MIA3: variants seen among roughly 807,000 people sequenced by gnomAD.
MIA3 encodes the protein transport and Golgi organization protein 1 homolog.
Under a neutral mutation model 192.4 loss-of-function variants are expected in MIA3, and 90 were observed. The observed-to-expected ratio is 0.47, with a 90% CI of 0.39 to 0.56. The LOEUF (loss-of-function observed/expected upper bound fraction) is 0.56. MIA3 is among the 20% of genes least tolerant of loss of function. The probability of loss-of-function intolerance (pLI) is 0.00; values close to 1 mark genes in which losing one functional copy is unlikely to be tolerated. For synonymous variants in MIA3, 740 were observed against 792.8 expected (o/e 0.93, Z 1.12); for missense variants, 2,123 against 2,269.4 (o/e 0.94, Z 1.31).
intron 2 of MIA3, among the ~76,000 whole-genome samples, chr1:222,624,551 T>G (rs561293915): frequency 6.6e-6 from 1 of 152,174 alleles, no homozygotes; most frequent in African/African-American, 2.4e-5. Context: ...TTGTGTTTAG[T>G]GCAATACTGT....
chr1:222,650,231 A>G lies in MIA3; in HGVS notation c.3632-61A>G, dbSNP rs780070963. ...GATAACATGTCTTTGCTGCTGATAC[A>G]TTGGGTAATTCAATTTCATTTAGTG... On this transcript the variant is annotated intron_variant, in intron 8 of 27. Coordinates refer to ENST00000344922, the MANE Select transcript of MIA3 (RefSeq NM_198551.4). 3.3e-6 allele frequency: 3 copies of G among 909,690 alleles called. No individual in the cohort carries two copies. In the East Asian group the frequency reaches 7.8e-5, roughly 24 times the overall value. 56.4% of individuals were successfully genotyped at this position (909,690 alleles called of 1,614,324 possible). A position where few individuals can be genotyped will look rare whatever the true frequency, so the allele number is the denominator to read the frequency against.
chr1:222,618,179 G>T lies in MIA3; in HGVS notation c.69G>T (p.Gln23His). 1.3e-6 allele frequency: 2 copies of T among 1,503,490 alleles called. No homozygotes were observed. Among genetic ancestry groups the T allele is most frequent in the Non-Finnish European group, 8.9e-7 (1 of 1,125,206 alleles). The allele number at this position is 1,503,490 out of a possible 1,614,324, so 93.1% of individuals were successfully genotyped here. A position where few individuals can be genotyped will look rare whatever the true frequency, so the allele number is the denominator to read the frequency against. ...GGCTGCCCTGGCGGGTGCCGGGCCA[G>T]CTGGACCCCAGCACTGGCCGGCGGT... ...VLRLPWRVPG[Q>H]LDPSTGRRFS... Residue 23 changes from glutamine (Q) to histidine (H), a missense_variant, in exon 1 of 28, where the codon CAG (glutamine) becomes CAT (histidine). This residue lies in a region of MIA3 where 1,357 missense variants were observed against 1,396.1 expected (regional missense o/e 0.97). Transcript: ENST00000344922.
rs1449769101 is a variant in MIA3 at position 222,653,315 on chromosome 1, G to A, written c.4297G>A (p.Glu1433Lys). 1 of 1,613,486 alleles carries A rather than the reference G, an allele frequency of 6.2e-7. No individual in the cohort carries two copies. Among genetic ancestry groups the A allele is most frequent in the Non-Finnish European group, 8.5e-7 (1 of 1,179,560 alleles). Residue 1433 changes from glutamate (E) to lysine (K), a missense_variant, in exon 15 of 28, where the codon GAA becomes AAA. Glu to Lys is a moderately conservative substitution (Grantham distance 56). Around this residue, in one of 3 missense-constraint regions of MIA3, gnomAD observed 762 missense variants for 856.4 expected, o/e 0.89. Transcript: ENST00000344922. ...AAATAAAGGTGGAAATGATTCAGAT[G>A]AATTAGCAAATGGAGAAGTGGGAGG... ...GQNKGGNDSD[E>K]LANGEVGGDR...
chr1:222,621,198 G>T lies in MIA3; in HGVS notation c.173G>T (p.Gly58Val). Residue 58 changes from glycine to valine, a missense_variant, in exon 2 of 28, where the codon GGC becomes GTC. Transcript: ENST00000344922. ...YRGEALEDFT[G>V]PDCRFVNFKK... is the part of the protein sequence containing the mutation. ...GGTGAGGCTCTTGAAGATTTCACAG[G>T]CCCGGATTGTCGTTTTGTGAATTTT... 6.2e-7 allele frequency: 1 copy of T among 1,613,538 alleles called. No homozygotes were observed. The highest frequency in any genetic ancestry group is 8.5e-7 in the Non-Finnish European group (1 of 1,179,708).
At chr1:222,644,674 G>A in intron 6 of MIA3, 8 of 1,399,840 alleles carry the variant, frequency 5.7e-6, no homozygotes, top group Non-Finnish European at 7.9e-6. Context: ...GATTGTCTGT[G>A]CAAAGGAGAA....
intron 19 of MIA3, 85 bp downstream of exon 19, chr1:222,658,908 G>A: frequency 2.4e-6 from 2 of 845,536 alleles, no homozygotes; most frequent in South Asian, 1.6e-5. Context: ...TAAATAAGTG[G>A]TTAGAGGACA....
chr1:222,618,837 C>A (rs1284730473), intron 1 of MIA3, among the ~76,000 whole-genome samples: 1 of 152,148 alleles, frequency 6.6e-6, no homozygotes, highest in African/African-American at 2.4e-5. Context: ...GGGCTTGTAC[C>A]GCCTTTTGAA....
intron 2 of MIA3, among the ~76,000 whole-genome samples, chr1:222,624,304 G>A (rs1231148508): frequency 6.6e-6 from 1 of 152,168 alleles, no homozygotes; most frequent in Non-Finnish European, 1.5e-5. Context: ...GCAGTCGAGA[G>A]AAATATAAAC....
At chr1:222,640,050 G>GCA (rs1180614006) in intron 6 of MIA3, among the ~76,000 whole-genome samples, 2 of 152,098 alleles carry the variant, frequency 1.3e-5, no homozygotes, top group Admixed American at 6.5e-5. Flanking sequence ...ATATATCGTA[G>GCA]CAATGAACAA....
Position 222,629,922 on chromosome 1 carries a change from A to G in MIA3, c.2702A>G (p.Asp901Gly), listed in dbSNP as rs556831642. 14 of 1,614,142 alleles carry G rather than the reference A, an allele frequency of 8.7e-6. No individual in the cohort carries two copies. In the East Asian group the frequency reaches 2.0e-4, roughly 23 times the overall value. Residue 901 changes from aspartate to glycine, a missense_variant, in exon 4 of 28, where the codon GAT becomes GGT. Physicochemically the swap from Asp to Gly is moderately conservative, Grantham distance 94 (BLOSUM62 -1). Transcript: ENST00000344922. ...SQGSAAAEPE[D>G]DSFHWTPHTS... ...GGGTCTGCTGCTGCAGAACCTGAAG[A>G]TGACTCGTTCCACTGGACTCCACAT...
intron 1 of MIA3, 46 bp from the exon 2 acceptor site, chr1:222,621,113 T>C (rs2133186): frequency 2.9e-5 from 45 of 1,531,046 alleles, no homozygotes; most frequent in Non-Finnish European, 3.9e-5. Flanking sequence ...CTGTGAACAC[T>C]GAATCCTGAT....
Position 222,659,646 on chromosome 1 carries a change from C to T in MIA3, c.4795C>T (p.His1599Tyr). ...GATCGCTACCCATGAGAAGAAAGCTCATGAAAACTGGGTAAGATTTCTTTT... is the reference window on the plus strand; with the variant it reads ...GATCGCTACCCATGAGAAGAAAGCTTATGAAAACTGGGTAAGATTTCTTTT... ...NQIATHEKKA[H>Y]ENWLKARAAE... is the part of the protein sequence containing the mutation. Residue 1599 changes from histidine (H) to tyrosine (Y), a missense_variant, in exon 21 of 28, where the codon CAT becomes TAT. Around this residue, in one of 3 missense-constraint regions of MIA3, gnomAD observed 762 missense variants for 856.4 expected, o/e 0.89. Transcript: ENST00000344922. The T allele has an allele frequency of 1.9e-6, 3 of 1,613,974 alleles. No homozygotes were observed. The highest frequency in any genetic ancestry group is 2.5e-6 in the Non-Finnish European group (3 of 1,179,918).
At chr1:222,630,788 G>C (rs1207422852) in intron 4 of MIA3, among the ~76,000 whole-genome samples, 1 of 152,170 alleles carries the variant, frequency 6.6e-6, no homozygotes, top group African/African-American at 2.4e-5. Context: ...TCAATGCCTT[G>C]GCTAAATTCC....
chr1:222,628,827 C>T lies in MIA3; in HGVS notation c.1607C>T (p.Ser536Leu), dbSNP rs139128855. The T allele has an allele frequency of 1.6e-4, 264 of 1,614,106 alleles. 1 individual carries two copies. In the African/African-American group the frequency reaches 2.8e-3, roughly 17 times the overall value. The change falls in exon 4 of 28, where the codon TCA becomes TTA. Residue 536 changes from serine (S) to leucine (L), a missense_variant. By Grantham distance (145) the Ser-to-Leu change is moderately radical. Around this residue, in one of 3 missense-constraint regions of MIA3, gnomAD observed 1,357 missense variants for 1,396.1 expected, o/e 0.97. Transcript: ENST00000344922. ...NDLKGAAIHI[S>L]KGMLHEEKPG... Reference sequence around the variant, plus strand: ...CTAAAAGGAGCAGCTATTCATATCTCAAAAGGAATGCTCCACGAAGAAAAG... The same window carrying T: ...CTAAAAGGAGCAGCTATTCATATCTTAAAAGGAATGCTCCACGAAGAAAAG...
chr1:222,651,949 C>G (rs748865775), intron 11 of MIA3, 28 bp from the exon 12 acceptor site: 5 of 1,234,948 alleles, frequency 4.0e-6, no homozygotes, highest in African/African-American at 3.0e-5. Flanking sequence ...TCCTAATATG[C>G]ATTTTGTGTT....
chr1:222,620,099 T>TTTAG (rs1661789569), intron 1 of MIA3, among the ~76,000 whole-genome samples: 1 of 152,242 alleles, frequency 6.6e-6, no homozygotes, highest in Non-Finnish European at 1.5e-5. Flanking sequence ...TGGAAAGTAA[T>TTTAG]CAGAGTTTAG....
chr1:222,651,942 T>C (rs755633482), intron 11 of MIA3, 35 bp from the exon 12 acceptor site: 1 of 1,172,152 alleles, frequency 8.5e-7, no homozygotes, highest in Non-Finnish European at 1.3e-6. Context: ...ACTAAAATCC[T>C]AATATGCATT....
In MIA3 at chr1:222,650,829, C is replaced by T; in HGVS notation, c.3835C>T (p.Leu1279=). ...GACACTTGAAAAAAATCAGGAAATT[C>T]TGGATGACACAGCTAAAAATCTTCG... The part of the protein sequence containing the change: ...IKTLEKNQEI[L]DDTAKNLRVM... The change falls in exon 11 of 28, where the codon CTG becomes TTG. Residue 1279 remains leucine (L), a synonymous_variant. Coordinates refer to ENST00000344922, the MANE Select transcript of MIA3 (RefSeq NM_198551.4). 1 of 1,609,954 alleles carries T rather than the reference C, an allele frequency of 6.2e-7. No individual in the cohort carries two copies. The highest frequency in any genetic ancestry group is 8.5e-7 in the Non-Finnish European group (1 of 1,178,318).
intron 7 of MIA3, among the ~76,000 whole-genome samples, chr1:222,646,613 G>A (rs1053230672): frequency 2.6e-5 from 4 of 152,028 alleles, no homozygotes; most frequent in South Asian, 4.2e-4. Flanking sequence ...TTAGCCGGGG[G>A]TGGTGGCAGG....
Sources: allele counts gnomAD v4.1 joint callset (sites outside exome capture counted in the v4.1 genomes callset), GRCh38; gene constraint gnomAD v4.1.1; regional missense constraint gnomAD v4.1.1; transcripts MANE v1.5; gene names NCBI Gene and HGNC (gene_info 2026-07-23, HGNC 2026-07-21).